RTN4RL1: variants seen among roughly 807,000 people sequenced by gnomAD.
RTN4RL1 encodes reticulon 4 receptor like 1.
In RTN4RL1, 7 loss-of-function variants were observed where a neutral mutation model predicts 25.6. The ratio of observed to expected loss-of-function variants is 0.27; its 90% CI spans 0.16 to 0.51. The LOEUF (loss-of-function observed/expected upper bound fraction) is 0.51. RTN4RL1 is among the 20% of genes least tolerant of loss of function. The probability of loss-of-function intolerance (pLI) is 0.97; values close to 1 mark genes in which losing one functional copy is unlikely to be tolerated. For synonymous variants in RTN4RL1, 297 were observed against 288.2 expected (o/e 1.03, Z -0.31); for missense variants, 500 against 615.6 (o/e 0.81, Z 1.99).
intron 1 of RTN4RL1, among the ~76,000 whole-genome samples, chr17:2,006,927 CTTTT>C (rs796915486): frequency 6.6e-6 from 1 of 151,972 alleles, no homozygotes; most frequent in Non-Finnish European, 1.5e-5. Flanking sequence ...CCGGCCTTTT[CTTTT>C]TTTTAATGTG....
chr17:1,999,711 T>C (rs768793436), intron 1 of RTN4RL1, among the ~76,000 whole-genome samples: 10 of 151,918 alleles, frequency 6.6e-5, no homozygotes, highest in Admixed American at 2.0e-4. Flanking sequence ...CACACACTCT[T>C]GCGTGCTGAC....
intron 1 of RTN4RL1, among the ~76,000 whole-genome samples, chr17:1,969,513 G>A (rs534261969): frequency 3.9e-5 from 6 of 152,282 alleles, no homozygotes; most frequent in Admixed American, 2.6e-4. Context: ...TCCCCTAGCC[G>A]ATCACAGTGG....
At chr17:1,980,619 A>C (rs1002022335) in intron 1 of RTN4RL1, among the ~76,000 whole-genome samples, 9 of 152,068 alleles carry the variant, frequency 5.9e-5, no homozygotes, top group African/African-American at 2.2e-4. Flanking sequence ...TAAATAAACA[A>C]ACACAAGAGA....
chr17:1,984,692 C>T (rs1483710396), intron 1 of RTN4RL1, among the ~76,000 whole-genome samples: 6 of 152,230 alleles, frequency 3.9e-5, no homozygotes, highest in South Asian at 2.1e-4. Context: ...GAGAGCCGGG[C>T]GCCGTGGCTC....
chr17:1,987,718 G>GAC (rs59658751), intron 1 of RTN4RL1, among the ~76,000 whole-genome samples: 3 of 145,204 alleles, frequency 2.1e-5, no homozygotes, highest in East Asian at 4.2e-4. Flanking sequence ...TGAGTTCAGG[G>GAC]ACACACACAC....
intron 1 of RTN4RL1, among the ~76,000 whole-genome samples, chr17:1,986,925 C>G (rs562014729): frequency 6.6e-6 from 1 of 152,008 alleles, no homozygotes; most frequent in Non-Finnish European, 1.5e-5. Context: ...CTGAGCCGTG[C>G]GACCTTGAGG....
At chr17:1,961,947 C>CA (rs368701033) in intron 1 of RTN4RL1, among the ~76,000 whole-genome samples, 48,881 of 103,526 alleles carry the variant, frequency 0.47, 11,556 homozygotes, top group Middle Eastern at 0.6. Context: ...GACTCTGCCT[C>CA]AAAAAAAAAA....
intron 1 of RTN4RL1, among the ~76,000 whole-genome samples, chr17:1,939,010 C>T (rs369663451): frequency 3.3e-5 from 5 of 151,694 alleles, no homozygotes; most frequent in Admixed American, 6.6e-5. Flanking sequence ...TGCACTACCA[C>T]ACTCCAGCCT....
chr17:1,980,854 G>C (rs532063934), intron 1 of RTN4RL1, among the ~76,000 whole-genome samples: 15 of 101,524 alleles, frequency 1.5e-4, no homozygotes, highest in African/African-American at 4.5e-4. Flanking sequence ...CTTGAACCCA[G>C]GAGGTGGCAG....
At chr17:2,003,041 G>A (rs1321010889) in intron 1 of RTN4RL1, 1 of 152,246 alleles carries the variant, frequency 6.6e-6, no homozygotes, top group African/African-American at 2.4e-5. Flanking sequence ...TGGTGAGAGA[G>A]GAATCGATTC....
intron 1 of RTN4RL1, among the ~76,000 whole-genome samples, chr17:1,992,463 C>T (rs531624755): frequency 1.3e-5 from 2 of 152,180 alleles, no homozygotes; most frequent in East Asian, 3.9e-4. Context: ...GGACAAAGAG[C>T]CGCCCCCTCC....
chr17:1,974,022 G>C (rs1448463930), intron 1 of RTN4RL1, among the ~76,000 whole-genome samples: 5 of 129,648 alleles, frequency 3.9e-5, no homozygotes, highest in Non-Finnish European at 7.7e-5. Context: ...CTGGGCGACA[G>C]AGCGAGACTC....
intron 1 of RTN4RL1, chr17:2,017,690 C>T: frequency 7.2e-6 from 1 of 138,320 alleles, no homozygotes; most frequent in Non-Finnish European, 1.6e-5. Context: ...CATACACACA[C>T]ACACACACAC....
chr17:1,978,820 C>T (rs2151315700), intron 1 of RTN4RL1, among the ~76,000 whole-genome samples: 1 of 152,330 alleles, frequency 6.6e-6, no homozygotes, highest in Non-Finnish European at 1.5e-5. Flanking sequence ...CACAGTGCTC[C>T]AAGCTCCCCA....
chr17:1,963,724 G>GA (rs2066776201), intron 1 of RTN4RL1, among the ~76,000 whole-genome samples: 1 of 152,088 alleles, frequency 6.6e-6, no homozygotes, highest in African/African-American at 2.4e-5. Flanking sequence ...GCCCTTCGGA[G>GA]TTTTTTCTTT....
intron 1 of RTN4RL1, among the ~76,000 whole-genome samples, chr17:1,979,101 C>T (rs1483758642): frequency 6.6e-6 from 1 of 152,216 alleles, no homozygotes; most frequent in Non-Finnish European, 1.5e-5. Flanking sequence ...GGTGAAACAC[C>T]ATCTCTACTA....
rs1915278709 is a variant in RTN4RL1, at chr17:1,935,620, T to C, written c.*876A>G. 2 of 981,616 alleles carry C rather than the reference T, an allele frequency of 2.0e-6. No individual in the cohort carries two copies. Among genetic ancestry groups the C allele is most frequent in the Non-Finnish European group, 2.4e-6 (2 of 827,720 alleles). 60.8% of individuals were successfully genotyped at this position (981,616 alleles called of 1,614,324 possible). ...TTGCTAGAAATCACCAATACAATCC[T>C]TAGTTCAGCAAATACAGTTTTCTGT... On this transcript the variant is annotated 3_prime_UTR_variant, in exon 2 of 2. Coordinates refer to ENST00000331238, the MANE Select transcript of RTN4RL1 (RefSeq NM_178568.4).
intron 1 of RTN4RL1, among the ~76,000 whole-genome samples, chr17:1,975,981 G>C (rs370146802): frequency 1.1e-4 from 16 of 152,216 alleles, no homozygotes; most frequent in South Asian, 4.1e-4. Context: ...CCTGCAGAGA[G>C]CAGGTCTTTA....
At chr17:2,016,603 T>G (rs549221252) in intron 1 of RTN4RL1, among the ~76,000 whole-genome samples, 1 of 152,302 alleles carries the variant, frequency 6.6e-6, no homozygotes, top group East Asian at 1.9e-4. Flanking sequence ...AAAGCCAGGG[T>G]TGCATACAGG....
Sources: allele counts gnomAD v4.1 joint callset (sites outside exome capture counted in the v4.1 genomes callset), GRCh38; gene constraint gnomAD v4.1.1; transcripts MANE v1.5; gene names NCBI Gene and HGNC (gene_info 2026-07-23, HGNC 2026-07-21).